The following MFAP1 variants were observed in gnomAD, a reference collection of about 807,000 sequenced individuals.
The protein encoded by MFAP1 is microfibril associated protein 1.
Under a neutral mutation model 62.2 loss-of-function variants are expected in MFAP1, and 18 were observed. The ratio of observed to expected loss-of-function variants is 0.29; its 90% CI spans 0.20 to 0.43. The LOEUF (loss-of-function observed/expected upper bound fraction) is 0.43. Ranked by LOEUF, MFAP1 falls within the 20% of genes least tolerant of loss-of-function variation. The pLI, the probability that MFAP1 is intolerant of heterozygous loss-of-function variation, is 1.00. For missense variants in MFAP1, 355 were observed against 559.7 expected, an observed-to-expected ratio of 0.63 and a Z score of 3.69; for synonymous variants, 175 against 180.4, an observed-to-expected ratio of 0.97 and a Z score of 0.24.
Position 43,824,667 on chromosome 15 carries a change from C to T in MFAP1, c.-98G>A, listed in dbSNP as rs2087488416. On this transcript the variant is annotated 5_prime_UTR_variant, in exon 1 of 9. Coordinates refer to ENST00000267812, the MANE Select transcript of MFAP1 (RefSeq NM_005926.3). Reference sequence around the variant, plus strand: ...AGAAGAAATTCCTTCCACCTGAGTCCGCGAACACAGCTGCGCGACTGATAG... The same window carrying T: ...AGAAGAAATTCCTTCCACCTGAGTCTGCGAACACAGCTGCGCGACTGATAG... 1 of 1,242,826 alleles carries T rather than the reference C, an allele frequency of 8.0e-7. No individual in the cohort carries two copies. Among genetic ancestry groups the T allele is most frequent in the Non-Finnish European group, 1.2e-6 (1 of 852,532 alleles). 77.0% of individuals were successfully genotyped at this position (1,242,826 alleles called of 1,614,324 possible).
At chr15:43,819,176 C>G (rs2087452576) in intron 1 of MFAP1, among the ~76,000 whole-genome samples, 1 of 151,456 alleles carries the variant, frequency 6.6e-6, no homozygotes, top group African/African-American at 2.4e-5. Context: ...CTGGGCAACA[C>G]AGTAAGACTC....
At chr15:43,816,528 A>G (rs2087434934) in intron 2 of MFAP1, among the ~76,000 whole-genome samples, 1 of 152,188 alleles carries the variant, frequency 6.6e-6, no homozygotes, top group Non-Finnish European at 1.5e-5. Flanking sequence ...TACAGGCGTG[A>G]GCCACCGCAC....
At chr15:43,808,376 T>G (rs2087378720) in intron 7 of MFAP1, among the ~76,000 whole-genome samples, 1 of 152,152 alleles carries the variant, frequency 6.6e-6, no homozygotes, top group African/African-American at 2.4e-5. Flanking sequence ...AATTTTTGTA[T>G]TTTTTGTAGA....
rs1346474524 is a variant in MFAP1 at position 43,804,657 on chromosome 15, T to G, written c.*437A>C. 6.5e-6 allele frequency: 1 copy of G among 154,548 alleles called. No individual in the cohort carries two copies. Among genetic ancestry groups the G allele is most frequent in the Non-Finnish European group, 1.4e-5 (1 of 69,830 alleles). 9.6% of individuals were successfully genotyped at this position (154,548 alleles called of 1,614,324 possible). On this transcript the variant is annotated 3_prime_UTR_variant, in exon 9 of 9. Transcript: ENST00000267812. ...AGTATGTACAACTAGAAAAACGGAC[T>G]CCAAGCAAAAATGGAAAACATGTTT...
intron 6 of MFAP1, 33 bp downstream of exon 6, chr15:43,812,954 C>T (rs1216629938): frequency 6.2e-7 from 1 of 1,608,570 alleles, no homozygotes; most frequent in Non-Finnish European, 8.5e-7. Flanking sequence ...GTTCCATTAG[C>T]AGCATTAACT....
intron 7 of MFAP1, 127 bp downstream of exon 7, chr15:43,809,628 G>A (rs1284879882): frequency 8.7e-7 from 1 of 1,148,770 alleles, no homozygotes; most frequent in Non-Finnish European, 1.2e-6. Context: ...GAAGGAAAAA[G>A]CAAATGAGAA....
intron 1 of MFAP1, among the ~76,000 whole-genome samples, chr15:43,819,056 G>A (rs1209926343): frequency 6.6e-6 from 1 of 152,160 alleles, no homozygotes; most frequent in Non-Finnish European, 1.5e-5. Flanking sequence ...GCCAGACATG[G>A]TGGCACAGAC....
intron 6 of MFAP1, 38 bp downstream of exon 6, chr15:43,812,949 A>G (rs753675249): frequency 1.9e-6 from 3 of 1,607,598 alleles, no homozygotes; most frequent in South Asian, 2.2e-5. Flanking sequence ...AACCTGTTCC[A>G]TTAGCAGCAT....
intron 6 of MFAP1, among the ~76,000 whole-genome samples, chr15:43,811,452 G>C (rs1191094847): frequency 1.0e-4 from 15 of 149,614 alleles, no homozygotes; most frequent in African/African-American, 3.4e-4. Context: ...AAAATTACAG[G>C]CTGAGTATGG....
Position 43,804,495 on chromosome 15 carries a change from C to A in MFAP1, c.*599G>T, listed in dbSNP as rs1461243947. Reference sequence around the variant, plus strand: ...TATCAAAATGTGAAACACCTTCTGCCTGACAATTGTTATCTTTTACTTTAA... The same window carrying A: ...TATCAAAATGTGAAACACCTTCTGCATGACAATTGTTATCTTTTACTTTAA... On this transcript the variant is annotated 3_prime_UTR_variant, in exon 9 of 9. Coordinates refer to ENST00000267812, the MANE Select transcript of MFAP1 (RefSeq NM_005926.3). 6.6e-6 allele frequency: 1 copy of A among 152,162 alleles called. No homozygotes were observed. The highest frequency in any genetic ancestry group is 6.5e-5 in the Admixed American group (1 of 15,274). 9.4% of individuals were successfully genotyped at this position (152,162 alleles called of 1,614,324 possible).
At position 43,811,912 on chromosome 15, in the gene MFAP1, C is replaced by G. The variant is rs528745185; in HGVS notation, c.887+1075G>C. ...AGCTCAGAAATGATTCTGCTGGGGC[C>G]GGGCATGATGGCTCATGCCATAATC... On this transcript the variant is annotated intron_variant, in intron 6 of 8. Transcript: ENST00000267812. Among the ~76,000 whole-genome samples, 215 of 151,864 alleles carry G rather than the reference C, an allele frequency of 1.4e-3. 1 individual carries two copies. Among genetic ancestry groups the G allele is most frequent in the Non-Finnish European group, 2.5e-3 (170 of 67,944 alleles).
At chr15:43,814,211 T>C (rs957757515) in intron 4 of MFAP1, among the ~76,000 whole-genome samples, 3 of 152,170 alleles carry the variant, frequency 2.0e-5, no homozygotes, top group East Asian at 1.9e-4. Flanking sequence ...GATCATGCCA[T>C]TGCACTCCAG....
rs759758467 is a variant in MFAP1, at chr15:43,814,640, T to G, written c.478A>C (p.Lys160Gln). 3 of 1,614,158 alleles carry G rather than the reference T, an allele frequency of 1.9e-6. No individual in the cohort carries two copies. In the Admixed American group the frequency reaches 5.0e-5, roughly 27 times the overall value. ...GMMRQRAQERKNEEMEVMEVE... is the reference protein window; with the variant it reads ...GMMRQRAQERQNEEMEVMEVE... ...TCCATGACTTCCATCTCTTCATTTT[T>G]TCTCTCCTGTGCTCGCTGACGCATC... is the stretch of plus-strand genomic sequence containing the variant. The change falls in exon 4 of 9, where the codon AAA (lysine) becomes CAA (glutamine). Residue 160 changes from lysine to glutamine, a missense_variant. Lys to Gln is a moderately conservative substitution (Grantham distance 53, BLOSUM62 1). This residue lies in a region of MFAP1 where 257 missense variants were observed against 341.3 expected (regional missense o/e 0.75). Transcript: ENST00000267812.
chr15:43,812,006 A>G (rs1027323872), intron 6 of MFAP1, among the ~76,000 whole-genome samples: 6 of 152,060 alleles, frequency 3.9e-5, no homozygotes, highest in Non-Finnish European at 1.5e-5. Context: ...CCTGACCAAC[A>G]TGGTGAAACC....
intron 6 of MFAP1, among the ~76,000 whole-genome samples, chr15:43,812,496 G>A (rs1035106587): frequency 6.6e-6 from 1 of 152,128 alleles, no homozygotes; most frequent in Non-Finnish European, 1.5e-5. Flanking sequence ...GATAAGTGAG[G>A]TATCCTAACT....
At chr15:43,812,904 C>G (rs774632995) in intron 6 of MFAP1, 83 bp downstream of exon 6, 140 of 1,467,630 alleles carry the variant, frequency 9.5e-5, no homozygotes, top group Middle Eastern at 5.4e-4. Flanking sequence ...ATGGAACTCA[C>G]AGTAGGTAAT....
intron 1 of MFAP1, among the ~76,000 whole-genome samples, chr15:43,823,947 A>G (rs910612789): frequency 4.6e-5 from 7 of 152,098 alleles, no homozygotes; most frequent in Admixed American, 4.6e-4. Flanking sequence ...CAAAAGAGGG[A>G]CTGTATCCCG....
intron 7 of MFAP1, among the ~76,000 whole-genome samples, 174 bp downstream of exon 7, chr15:43,809,581 C>T (rs1372031811): frequency 1.3e-5 from 2 of 151,874 alleles, no homozygotes; most frequent in Non-Finnish European, 2.9e-5. Context: ...TTCTGTCATC[C>T]AATTGCTGAT....
chr15:43,812,527 A>C (rs1477735522), intron 6 of MFAP1, among the ~76,000 whole-genome samples: 2 of 152,216 alleles, frequency 1.3e-5, no homozygotes, highest in African/African-American at 4.8e-5. Context: ...ACCTACTACT[A>C]ACATGTGAGT....
Sources: gnomAD v4.1 joint callset for allele counts (sites outside exome capture counted in the v4.1 genomes callset) on GRCh38, gnomAD v4.1.1 for gene constraint, gnomAD v4.1.1 regional missense constraint, MANE v1.5 for transcripts, NCBI Gene and HGNC (gene_info 2026-07-23, HGNC 2026-07-21) for gene names.